The following SCHIP1 variants were observed in gnomAD, a reference collection of about 807,000 sequenced individuals.
SCHIP1 encodes schwannomin interacting protein 1.
SCHIP1 carries 8 observed loss-of-function variants against 29.7 expected under a neutral mutation model. That is an observed-to-expected ratio of 0.27 (90% CI 0.16 to 0.49). The LOEUF (loss-of-function observed/expected upper bound fraction) is 0.49. Ranked by LOEUF, SCHIP1 falls within the 20% of genes least tolerant of loss-of-function variation. The pLI is 0.99. For synonymous variants in SCHIP1, 76 were observed against 94.9 expected, an observed-to-expected ratio of 0.80 and a Z score of 1.16; for missense variants, 193 against 294.6, an observed-to-expected ratio of 0.66 and a Z score of 2.52.
the SCHIP1 span, among the ~76,000 whole-genome samples, chr3:159,534,238 T>C: frequency 6.6e-6 from 1 of 152,188 alleles, no homozygotes; most frequent in Non-Finnish European, 1.5e-5. Context: ...TTCTACTTTT[T>C]ACCCTTTTCC....
chr3:159,732,523 G>T, the SCHIP1 span, among the ~76,000 whole-genome samples: 1 of 152,198 alleles, frequency 6.6e-6, no homozygotes, highest in East Asian at 1.9e-4. Context: ...AGCAGAGATG[G>T]TGCTGTTTGG....
chr3:159,816,051 C>T, the SCHIP1 span, among the ~76,000 whole-genome samples: 13 of 152,054 alleles, frequency 8.5e-5, no homozygotes, highest in Admixed American at 7.2e-4. Flanking sequence ...CAGGTTCAAG[C>T]GAGTCTCCTG....
chr3:159,614,978 C>T, the SCHIP1 span, among the ~76,000 whole-genome samples: 30 of 152,260 alleles, frequency 2.0e-4, 1 homozygote, highest in East Asian at 5.6e-3. Flanking sequence ...TAAAAATGCA[C>T]AGGTGCCGTG....
the SCHIP1 span, chr3:159,765,122 G>C: frequency 3.8e-6 from 6 of 1,566,778 alleles, no homozygotes; most frequent in African/African-American, 5.4e-5. Flanking sequence ...GGCCAGGCGA[G>C]GACCAACTCC....
At chr3:159,496,228 G>T in the SCHIP1 span, among the ~76,000 whole-genome samples, 85 of 152,178 alleles carry the variant, frequency 5.6e-4, no homozygotes, top group African/African-American at 1.8e-3. Context: ...CAAAAGCAAT[G>T]GCAACAAAAA....
intron 3 of SCHIP1, chr3:159,887,467 G>A: frequency 2.2e-6 from 1 of 458,550 alleles, no homozygotes; most frequent in Non-Finnish European, 3.9e-6. Flanking sequence ...CATATTTCAA[G>A]GTTGTTGTAA....
the SCHIP1 span, among the ~76,000 whole-genome samples, chr3:159,347,502 C>A: frequency 6.6e-6 from 1 of 152,058 alleles, no homozygotes; most frequent in South Asian, 2.1e-4. Flanking sequence ...ATAAGGGCTA[C>A]GAAAATATTT....
At chr3:159,439,398 G>C in the SCHIP1 span, among the ~76,000 whole-genome samples, 4 of 152,040 alleles carry the variant, frequency 2.6e-5, no homozygotes, top group African/African-American at 9.7e-5. Flanking sequence ...CCAAGTGAAG[G>C]GTGGAAGACC....
chr3:159,750,296 T>TATATATATATATATACAC, the SCHIP1 span, among the ~76,000 whole-genome samples: 17 of 132,756 alleles, frequency 1.3e-4, no homozygotes, highest in African/African-American at 5.3e-4. Context: ...TATATATATA[T>TATATATATATATATACAC]ACACACACAC....
chr3:159,449,726 C>T, the SCHIP1 span, among the ~76,000 whole-genome samples: 4 of 152,178 alleles, frequency 2.6e-5, no homozygotes, highest in Admixed American at 1.3e-4. Context: ...ATGATTTGCC[C>T]GAATTCCATT....
the SCHIP1 span, among the ~76,000 whole-genome samples, chr3:159,816,754 TTGTACTC>T: frequency 1.3e-5 from 2 of 152,356 alleles, no homozygotes; most frequent in South Asian, 4.1e-4. Context: ...TACCACTCCC[TTGTACTC>T]TAACAAAACC....
the SCHIP1 span, among the ~76,000 whole-genome samples, chr3:159,629,805 G>T: frequency 6.6e-6 from 1 of 152,156 alleles, no homozygotes; most frequent in Non-Finnish European, 1.5e-5. Flanking sequence ...TTAAATATCT[G>T]CTGTGTTCCA....
In SCHIP1 at chr3:159,896,280, G is replaced by A. The variant is rs1203617193; in HGVS notation, c.684-443G>A. 4.6e-5 allele frequency among the ~76,000 whole-genome samples: 7 copies of A among 152,208 alleles called. No individual in the cohort carries two copies. In the East Asian group the frequency reaches 9.6e-4, roughly 21 times the overall value. On this transcript the variant is annotated intron_variant, in intron 6 of 6. Coordinates refer to ENST00000445224, the Ensembl canonical transcript of SCHIP1. ...ATACCATGTTTCGACTTTTGGCTTC[G>A]TGCTTATTTCCATCTGTTATTTCCT...
At chr3:159,532,357 A>C in the SCHIP1 span, among the ~76,000 whole-genome samples, 1 of 152,192 alleles carries the variant, frequency 6.6e-6, no homozygotes, top group East Asian at 1.9e-4. Context: ...TGTAATAGGC[A>C]ATCAGATGGT....
chr3:159,400,680 G>T, the SCHIP1 span, among the ~76,000 whole-genome samples: 2 of 152,162 alleles, frequency 1.3e-5, no homozygotes, highest in Admixed American at 6.5e-5. Context: ...GGTTCCTCCA[G>T]CCTCTGAATA....
chr3:159,473,674 G>GAAAAAAAAAAAAAA, the SCHIP1 span, among the ~76,000 whole-genome samples: 177 of 81,380 alleles, frequency 2.2e-3, no homozygotes, highest in Middle Eastern at 8.3e-3. Flanking sequence ...ATGTAACTAC[G>GAAAAAAAAAAAAAA]AAAAAAAAAA....
At chr3:159,485,128 C>G in the SCHIP1 span, among the ~76,000 whole-genome samples, 1 of 151,762 alleles carries the variant, frequency 6.6e-6, no homozygotes, top group South Asian at 2.1e-4. Context: ...GAAATACTTT[C>G]TTCCCTGCTC....
chr3:159,680,841 G>A, the SCHIP1 span, among the ~76,000 whole-genome samples: 2 of 144,678 alleles, frequency 1.4e-5, no homozygotes, highest in East Asian at 2.0e-4. Flanking sequence ...AGCATGATCC[G>A]TGAGGAATAG....
intron 1 of SCHIP1, among the ~76,000 whole-genome samples, chr3:159,850,801 A>G (rs1421153174): frequency 6.6e-6 from 1 of 152,162 alleles, no homozygotes; most frequent in Non-Finnish European, 1.5e-5. Context: ...TCACCAGAGC[A>G]GCATTAGGGG....
Sources: allele counts gnomAD v4.1 joint callset (sites outside exome capture counted in the v4.1 genomes callset), GRCh38; gene constraint gnomAD v4.1.1; transcripts MANE v1.5; gene names NCBI Gene and HGNC (gene_info 2026-07-23, HGNC 2026-07-21).